Variants in CDK7 observed in about 807,000 individuals in gnomAD.
CDK7 encodes cyclin dependent kinase 7, also known as cyclin-dependent kinase 7.
In CDK7, 25 loss-of-function variants were observed where a neutral mutation model predicts 49.1. That is an observed-to-expected ratio of 0.51 (90% CI 0.37 to 0.71). The LOEUF is 0.71. Ranked by LOEUF, CDK7 falls within the 30% of genes least tolerant of loss-of-function variation. CDK7 has a pLI of 0.00. For synonymous variants in CDK7, 107 were observed against 140.0 expected (o/e 0.76, Z 1.67); for missense variants, 316 against 411.7 (o/e 0.77, Z 2.01).
rs1011526345 is a variant in CDK7, at chr5:69,237,621, C to T, written c.126+2168C>T. ...AATTCCATTCACACTGTACCTAGGG[C>T]CATGGCTAGTACATTTGTAGACACT... On this transcript the variant is annotated intron_variant, in intron 2 of 11. Transcript: ENST00000256443. Among the ~76,000 whole-genome samples the T allele has an allele frequency of 3.9e-5, 6 of 152,154 alleles. No individual in the cohort carries two copies. The East Asian group carries it at 1.2e-3, about 29-fold the overall frequency.
intron 2 of CDK7, among the ~76,000 whole-genome samples, chr5:69,245,762 C>T (rs532060834): frequency 7.9e-5 from 12 of 152,176 alleles, no homozygotes; most frequent in Admixed American, 7.2e-4. Flanking sequence ...TCAGTTTTTT[C>T]ATGGTTCAAT....
At chr5:69,268,457 A>G (rs1167994653) in intron 8 of CDK7, among the ~76,000 whole-genome samples, 1 of 152,204 alleles carries the variant, frequency 6.6e-6, no homozygotes, top group Non-Finnish European at 1.5e-5. Flanking sequence ...GGTAGGATCT[A>G]ATAACGTACC....
intron 2 of CDK7, among the ~76,000 whole-genome samples, chr5:69,248,490 C>T (rs1561352698): frequency 2.0e-5 from 3 of 152,014 alleles, no homozygotes; most frequent in Admixed American, 1.3e-4. Context: ...CGGGTTCAAG[C>T]GATTCTCCTG....
intron 8 of CDK7, among the ~76,000 whole-genome samples, chr5:69,264,807 C>T (rs765787594): frequency 3.3e-5 from 5 of 151,590 alleles, no homozygotes; most frequent in Non-Finnish European, 7.4e-5. Context: ...ACTATCTCTA[C>T]TAAAAATGCA....
At chr5:69,252,320 T>C (rs190368226) in intron 2 of CDK7, 98 bp from the exon 3 acceptor site, 42 of 767,648 alleles carry the variant, frequency 5.5e-5, no homozygotes, top group South Asian at 1.6e-4. Context: ...TGTTTTTTTT[T>C]CTGTGGCGAA....
intron 9 of CDK7, among the ~76,000 whole-genome samples, chr5:69,269,792 C>T (rs890668213): frequency 6.6e-6 from 1 of 151,044 alleles, no homozygotes; most frequent in Non-Finnish European, 1.5e-5. Flanking sequence ...CACCGTGATG[C>T]CCAGGCTGGT....
intron 10 of CDK7, among the ~76,000 whole-genome samples, chr5:69,275,780 C>A (rs535930067): frequency 9.9e-5 from 15 of 152,200 alleles, no homozygotes; most frequent in Non-Finnish European, 2.1e-4. Flanking sequence ...TCAAGACAAG[C>A]CTGGCCAATA....
At chr5:69,261,554 G>A (rs537243758) in intron 7 of CDK7, among the ~76,000 whole-genome samples, 5 of 139,760 alleles carry the variant, frequency 3.6e-5, no homozygotes, top group South Asian at 5.0e-4. Flanking sequence ...GTTTTGAGAC[G>A]GAATCTGGCA....
At chr5:69,264,581 T>C (rs1007221605) in intron 8 of CDK7, among the ~76,000 whole-genome samples, 1 of 152,154 alleles carries the variant, frequency 6.6e-6, no homozygotes, top group African/African-American at 2.4e-5. Flanking sequence ...GATTCTAGAA[T>C]GTACCAACAG....
intron 1 of CDK7, 88 bp downstream of exon 1, chr5:69,235,129 G>A: frequency 3.9e-6 from 5 of 1,284,388 alleles, no homozygotes; most frequent in Middle Eastern, 2.3e-4. Flanking sequence ...GGAGGCCAGA[G>A]GTCTGGCTTG....
intron 2 of CDK7, among the ~76,000 whole-genome samples, chr5:69,240,577 C>T (rs1025137658): frequency 3.3e-5 from 5 of 152,152 alleles, no homozygotes; most frequent in Non-Finnish European, 7.3e-5. Context: ...TATGAAATTA[C>T]TCTATTTTTT....
chr5:69,267,665 TAATAA>T (rs1395871946), intron 8 of CDK7, among the ~76,000 whole-genome samples: 2 of 140,976 alleles, frequency 1.4e-5, no homozygotes, highest in African/African-American at 4.9e-5. Context: ...ATTAATTCCT[TAATAA>T]AATCAAGTCT....
At chr5:69,244,128 G>A (rs1043314140) in intron 2 of CDK7, among the ~76,000 whole-genome samples, 1 of 152,066 alleles carries the variant, frequency 6.6e-6, no homozygotes, top group South Asian at 2.1e-4. Context: ...CACCATACCC[G>A]TTCAGTAGTT....
intron 2 of CDK7, among the ~76,000 whole-genome samples, chr5:69,249,005 G>C (rs1580287249): frequency 1.3e-5 from 2 of 151,460 alleles, no homozygotes; most frequent in East Asian, 1.9e-4. Flanking sequence ...TTGAATATTG[G>C]TACCTATTTC....
At chr5:69,235,497 T>C (rs1374453741) in intron 2 of CDK7, 44 bp downstream of exon 2, 1 of 1,275,928 alleles carries the variant, frequency 7.8e-7, no homozygotes, top group Non-Finnish European at 1.1e-6. Context: ...CTTGAAGATG[T>C]CTGTATTATT....
chr5:69,247,685 T>C, intron 2 of CDK7, among the ~76,000 whole-genome samples: 1 of 152,142 alleles, frequency 6.6e-6, no homozygotes, highest in East Asian at 1.9e-4. Context: ...TTCCTTGTAG[T>C]AAAGGTGATT....
intron 8 of CDK7, among the ~76,000 whole-genome samples, chr5:69,268,886 T>C (rs1248978441): frequency 6.7e-6 from 1 of 149,590 alleles, no homozygotes; most frequent in Non-Finnish European, 1.5e-5. Context: ...CTCACGCCTG[T>C]AATCCCAGCA....
At chr5:69,255,584 T>C (rs1396296986) in intron 5 of CDK7, 56 bp downstream of exon 5, 1 of 1,228,486 alleles carries the variant, frequency 8.1e-7, no homozygotes, top group East Asian at 2.3e-5. Flanking sequence ...AACAAGAACC[T>C]AAATATTTGT....
At chr5:69,276,740 A>G (rs529875498) in intron 11 of CDK7, 50 bp downstream of exon 11, 2 of 1,515,596 alleles carry the variant, frequency 1.3e-6, no homozygotes, top group African/African-American at 2.8e-5. Context: ...AAAACTCCAA[A>G]TAGCTCGTGT....
Sources: gnomAD v4.1 joint callset for allele counts (sites outside exome capture counted in the v4.1 genomes callset) on GRCh38, gnomAD v4.1.1 for gene constraint, MANE v1.5 for transcripts, NCBI Gene and HGNC (gene_info 2026-07-23, HGNC 2026-07-21) for gene names.